The following PRKN variants were observed in gnomAD, a reference collection of about 807,000 sequenced individuals.
PRKN encodes E3 ubiquitin-protein ligase parkin.
In PRKN, 56 loss-of-function variants were observed where a neutral mutation model predicts 59.5. That is an observed-to-expected ratio of 0.94 (90% CI 0.76 to 1.18). The LOEUF is 1.18. Ranked by LOEUF, PRKN falls within the 50% of genes most tolerant of loss-of-function variation. The pLI, the probability that PRKN is intolerant of heterozygous loss-of-function variation, is 0.00. For missense variants in PRKN, 657 were observed against 596.4 expected (o/e 1.10, Z -1.06); for synonymous variants, 250 against 222.1 (o/e 1.13, Z -1.12).
In PRKN at chr6:161,360,091, T is replaced by G. The variant is rs1354004837; in HGVS notation, c.1282A>C (p.Asn428His). Residue 428 changes from asparagine (N) to histidine (H), a missense_variant, in exon 11 of 12, where the codon AAT (asparagine) becomes CAT (histidine). Asn to His is a moderately conservative substitution (Grantham distance 68). Coordinates refer to ENST00000366898, the MANE Select transcript of PRKN (RefSeq NM_004562.3). The surrounding 1 kb of genome is among the most constrained non-coding windows in gnomAD (Gnocchi z 5.1). The part of the protein sequence containing the change: ...CPRCHVPVEK[N>H]GGCMHMKCPQ... ...TCTCTGCTCAGCACAGACTCACCAT[T>G]TTTTTCCACTGGTACATGGCAGCGG... 6.2e-7 allele frequency: 1 copy of G among 1,609,824 alleles called. No homozygotes were observed. The highest frequency in any genetic ancestry group is 8.5e-7 in the Non-Finnish European group (1 of 1,176,074).
At chr6:162,201,704 A>T (rs552085902) in intron 3 of PRKN, among the ~76,000 whole-genome samples, 1 of 152,152 alleles carries the variant, frequency 6.6e-6, no homozygotes, top group Admixed American at 6.6e-5. Context: ...TCGTGATATA[A>T]ATGATATGAT....
intron 9 of PRKN, among the ~76,000 whole-genome samples, chr6:161,474,802 C>T (rs964521458): frequency 2.6e-5 from 4 of 151,790 alleles, no homozygotes; most frequent in East Asian, 1.9e-4. Flanking sequence ...CTGGGTTTCA[C>T]CATGTTGGCC....
chr6:162,384,017 T>A (rs912291159), intron 2 of PRKN, among the ~76,000 whole-genome samples: 4 of 152,204 alleles, frequency 2.6e-5, no homozygotes, highest in Non-Finnish European at 5.9e-5. Flanking sequence ...CTGAATCAGG[T>A]CTTGGCTCAA....
chr6:162,330,425 T>C lies in PRKN; in HGVS notation c.172-67660A>G, dbSNP rs1354870039. On this transcript the variant is annotated intron_variant, in intron 2 of 11. Coordinates refer to ENST00000366898, the MANE Select transcript of PRKN (RefSeq NM_004562.3). ...CTGGTATTTGTGCAGTAGCTTTTTA[T>C]AAAAGAAAGCAAACAGCTTCACCTT... Among the ~76,000 whole-genome samples the C allele has an allele frequency of 5.9e-5, 9 of 151,664 alleles. No homozygotes were observed. In the East Asian group the frequency reaches 1.7e-3, roughly 29 times the overall value.
intron 10 of PRKN, among the ~76,000 whole-genome samples, chr6:161,370,591 C>CAAAAAAAAAAAAAAA (rs560655971): frequency 0.011 from 614 of 57,764 alleles, 44 homozygotes; most frequent in Middle Eastern, 0.022. Flanking sequence ...GACTCTGTGT[C>CAAAAAAAAAAAAAAA]AAAAAAAAAA....
intron 7 of PRKN, among the ~76,000 whole-genome samples, chr6:161,573,741 A>ATTATAT (rs1562534703): frequency 2.4e-5 from 1 of 42,552 alleles, no homozygotes; most frequent in Non-Finnish European, 4.1e-5. Context: ...AAAAAAAAAA[A>ATTATAT]AAAAAAAAAA....
intron 4 of PRKN, among the ~76,000 whole-genome samples, chr6:162,182,381 C>T (rs570042672): frequency 2.0e-5 from 3 of 152,278 alleles, no homozygotes; most frequent in Non-Finnish European, 2.9e-5. Flanking sequence ...TTATATTACA[C>T]GTAGAAGCGT....
At chr6:162,450,349 C>CCTGTGA (rs1554327105) in intron 1 of PRKN, among the ~76,000 whole-genome samples, 1 of 98,784 alleles carries the variant, frequency 1.0e-5, no homozygotes, top group Non-Finnish European at 2.5e-5. Flanking sequence ...TTGTAATCCC[C>CCTGTGA]CTGTGAATGT....
intron 4 of PRKN, among the ~76,000 whole-genome samples, chr6:162,063,043 T>C (rs1187808032): frequency 6.6e-6 from 1 of 152,176 alleles, no homozygotes; most frequent in African/African-American, 2.4e-5. Flanking sequence ...GGAACTTCTT[T>C]ATAACCTTGG....
chr6:162,162,614 A>G (rs1262828558), intron 4 of PRKN, among the ~76,000 whole-genome samples: 1 of 152,232 alleles, frequency 6.6e-6, no homozygotes, highest in Non-Finnish European at 1.5e-5. Flanking sequence ...TTACAATATA[A>G]TACCTTCATA....
rs577241467 is a variant in PRKN at position 161,420,510 on chromosome 6, TTTTC to T, written c.1084-33637_1084-33634del. 1.6e-3 allele frequency among the ~76,000 whole-genome samples: 245 copies of T among 152,124 alleles called. 1 individual carries two copies. Among genetic ancestry groups the T allele is most frequent in the African/African-American group, 5.6e-3 (234 of 41,460 alleles). The stretch of plus-strand genomic sequence containing the variant: ...TGAACAGTTTCCTTTATTTTCTTTT[TTTTC>T]TTTCTTTATTTATTTTTGAGACAGG... On this transcript the variant is annotated intron_variant, in intron 9 of 11. Transcript: ENST00000366898.
At position 162,702,133 on chromosome 6, in the gene PRKN, ATAACT is replaced by A. The variant is rs369938884; in HGVS notation, c.7+25524_7+25528del. ...GTTCTACAAGATTAAATTAGGAGAAATAACTTAACCAACATTTTATACATTAACAT... is the reference window on the plus strand; with the variant it reads ...GTTCTACAAGATTAAATTAGGAGAAATAACCAACATTTTATACATTAACAT... On this transcript the variant is annotated intron_variant, in intron 1 of 11. Coordinates refer to ENST00000366898, the MANE Select transcript of PRKN (RefSeq NM_004562.3). Among the ~76,000 whole-genome samples the A allele has an allele frequency of 1.3e-3, 204 of 152,284 alleles. 1 individual carries two copies. Among genetic ancestry groups the A allele is most frequent in the Non-Finnish European group, 2.0e-3 (139 of 68,000 alleles).
intron 4 of PRKN, among the ~76,000 whole-genome samples, chr6:162,180,450 A>G (rs1166505347): frequency 1.5e-5 from 1 of 68,174 alleles, no homozygotes; most frequent in East Asian, 2.6e-4. Flanking sequence ...TTACAAATGA[A>G]AAAAGAAAGT....
chr6:162,301,796 C>T (rs1326221848), intron 2 of PRKN, among the ~76,000 whole-genome samples: 1 of 132,112 alleles, frequency 7.6e-6, no homozygotes, highest in Non-Finnish European at 1.6e-5. Flanking sequence ...GGGGGGGGTG[C>T]AGAATTCACT....
At position 161,593,653 on chromosome 6, in the gene PRKN, C is replaced by T. The variant is rs576894255; in HGVS notation, c.872-24237G>A. 1.3e-5 allele frequency among the ~76,000 whole-genome samples: 2 copies of T among 152,204 alleles called. No homozygotes were observed. Among genetic ancestry groups the T allele is most frequent in the South Asian group, 2.1e-4 (1 of 4,824 alleles). On this transcript the variant is annotated intron_variant, in intron 7 of 11. Coordinates refer to ENST00000366898, the MANE Select transcript of PRKN (RefSeq NM_004562.3). This position sits in a 1 kb window ranked among gnomAD's most constrained non-coding sequence, Gnocchi z 4.8. Reference sequence around the variant, plus strand: ...CGCTGCCACTTTTATCCTGAGGAACCGGCTGGACAGTGGTGCCTTCTACTG... The same window carrying T: ...CGCTGCCACTTTTATCCTGAGGAACTGGCTGGACAGTGGTGCCTTCTACTG...
chr6:161,371,708 G>A lies in PRKN; in HGVS notation c.1168-11503C>T, dbSNP rs947234179. 1.3e-5 allele frequency among the ~76,000 whole-genome samples: 2 copies of A among 151,356 alleles called. No individual in the cohort carries two copies. The highest frequency in any genetic ancestry group is 3.0e-5 in the Non-Finnish European group (2 of 67,780). ...GGCTGGAGTGCAATGACACAATCTC[G>A]GCTCACTACAACCTCCACCTCCTGG... On this transcript the variant is annotated intron_variant, in intron 10 of 11. Transcript: ENST00000366898. The surrounding 1 kb of genome is among the most constrained non-coding windows in gnomAD (Gnocchi z 5.5).
intron 7 of PRKN, among the ~76,000 whole-genome samples, chr6:161,631,989 TC>T (rs1409327748): frequency 2.6e-5 from 4 of 152,070 alleles, no homozygotes; most frequent in Non-Finnish European, 5.9e-5. Context: ...TGAGTTCTTT[TC>T]CCCCCAGCAG....
intron 9 of PRKN, among the ~76,000 whole-genome samples, chr6:161,450,225 G>C (rs776771085): frequency 1.3e-5 from 2 of 152,182 alleles, no homozygotes; most frequent in Non-Finnish European, 2.9e-5. Flanking sequence ...GATTGCCACT[G>C]GCAAAGACGC....
chr6:162,560,880 T>C (rs1446963195), intron 1 of PRKN, among the ~76,000 whole-genome samples: 2 of 40,270 alleles, frequency 5.0e-5, no homozygotes, highest in South Asian at 6.9e-4. Context: ...CAGGTCATTA[T>C]AAAACATGAA....
Sources: allele counts gnomAD v4.1 joint callset (sites outside exome capture counted in the v4.1 genomes callset), GRCh38; gene constraint gnomAD v4.1.1; non-coding constraint Gnocchi (gnomAD v3.1); transcripts MANE v1.5; gene names NCBI Gene and HGNC (gene_info 2026-07-23, HGNC 2026-07-21).